The following ESRRG variants were observed in gnomAD, a reference collection of about 807,000 sequenced individuals.
ESRRG encodes the protein estrogen-related receptor gamma.
In ESRRG, 13 loss-of-function variants were observed where a neutral mutation model predicts 44.0. The ratio of observed to expected loss-of-function variants is 0.30; its 90% CI spans 0.19 to 0.47. The LOEUF (loss-of-function observed/expected upper bound fraction) is 0.47, where lower values mean the gene tolerates loss of function less well. Among genes scored for constraint, ESRRG ranks in the 20% least tolerant of loss-of-function variants. ESRRG has a pLI of 1.00. For synonymous variants in ESRRG, 215 were observed against 214.6 expected, an observed-to-expected ratio of 1.00 and a Z score of -0.02; for missense variants, 395 against 580.6, an observed-to-expected ratio of 0.68 and a Z score of 3.29.
intron 1 of ESRRG, among the ~76,000 whole-genome samples, chr1:217,096,433 A>G (rs1188408219): frequency 6.6e-6 from 1 of 152,248 alleles, no homozygotes. Flanking sequence ...AACTTAGAAC[A>G]GTTGAGTGTG....
chr1:217,120,565 G>T (rs1344540045), intron 1 of ESRRG, among the ~76,000 whole-genome samples: 1 of 151,568 alleles, frequency 6.6e-6, no homozygotes, highest in African/African-American at 2.4e-5. Flanking sequence ...GACTTATGAC[G>T]TTCTTCAGCG....
chr1:216,665,834 C>G (rs1259751020), intron 2 of ESRRG, among the ~76,000 whole-genome samples: 2 of 152,130 alleles, frequency 1.3e-5, no homozygotes, highest in Admixed American at 6.5e-5. Flanking sequence ...TTGTATAAAT[C>G]AGCTCCAATG....
At chr1:216,936,892 C>T (rs1457403620) in intron 2 of ESRRG, among the ~76,000 whole-genome samples, 1 of 152,050 alleles carries the variant, frequency 6.6e-6, no homozygotes, top group African/African-American at 2.4e-5. Context: ...GGAGAAATTT[C>T]AGATTGTTAT....
chr1:216,648,063 T>C (rs988381626), intron 3 of ESRRG, among the ~76,000 whole-genome samples: 3 of 152,170 alleles, frequency 2.0e-5, no homozygotes, highest in Non-Finnish European at 4.4e-5. Flanking sequence ...TACATTTGAA[T>C]AGATTTACTA....
chr1:216,815,009 C>G (rs765354289), intron 2 of ESRRG, among the ~76,000 whole-genome samples: 8 of 152,182 alleles, frequency 5.3e-5, no homozygotes, highest in Non-Finnish European at 1.2e-4. Context: ...AAATCCTCCC[C>G]TCACTTTAAT....
chr1:216,674,891 G>T (rs950939934), intron 2 of ESRRG, among the ~76,000 whole-genome samples: 1 of 151,882 alleles, frequency 6.6e-6, no homozygotes, highest in Non-Finnish European at 1.5e-5. Flanking sequence ...GGGATTACAG[G>T]CATGAGCCAC....
intron 1 of ESRRG, among the ~76,000 whole-genome samples, chr1:217,133,891 C>T (rs2093010775): frequency 6.6e-6 from 1 of 152,022 alleles, no homozygotes; most frequent in Admixed American, 6.6e-5. Flanking sequence ...GCACCTCCAG[C>T]ACCTGAATTC....
intron 2 of ESRRG, among the ~76,000 whole-genome samples, chr1:216,885,156 AAGAG>A (rs762488871): frequency 2.0e-5 from 3 of 150,194 alleles, no homozygotes; most frequent in Non-Finnish European, 4.4e-5. Flanking sequence ...ACATGACAGA[AAGAG>A]AGAGATGTTT....
At chr1:217,072,857 TC>T (rs1400128652) in intron 1 of ESRRG, among the ~76,000 whole-genome samples, 2 of 152,180 alleles carry the variant, frequency 1.3e-5, no homozygotes, top group Admixed American at 1.3e-4. Context: ...AACTTATTTA[TC>T]TATTAAAATG....
chr1:216,834,305 G>A (rs185711576), intron 2 of ESRRG, among the ~76,000 whole-genome samples: 26 of 152,228 alleles, frequency 1.7e-4, no homozygotes, highest in Admixed American at 8.5e-4. Context: ...GCAGGTTGAG[G>A]CGGGAAGATC....
intron 1 of ESRRG, among the ~76,000 whole-genome samples, chr1:217,106,595 G>A (rs2092600061): frequency 6.6e-6 from 1 of 152,112 alleles, no homozygotes; most frequent in South Asian, 2.1e-4. Flanking sequence ...GAACCACATG[G>A]ATCAGGAGGG....
chr1:216,906,547 T>C (rs964636487), intron 2 of ESRRG, among the ~76,000 whole-genome samples: 2 of 152,086 alleles, frequency 1.3e-5, no homozygotes, highest in African/African-American at 4.8e-5. Flanking sequence ...CCTACTTCCC[T>C]CCCTACCAGC....
chr1:217,119,799 G>A (rs183433003), intron 1 of ESRRG, among the ~76,000 whole-genome samples: 125 of 152,258 alleles, frequency 8.2e-4, no homozygotes, highest in African/African-American at 2.9e-3. Flanking sequence ...TCTTAGCCAG[G>A]GATTTAAAAC....
intron 1 of ESRRG, among the ~76,000 whole-genome samples, chr1:217,135,103 G>A (rs1351061599): frequency 2.0e-5 from 3 of 152,196 alleles, no homozygotes; most frequent in Admixed American, 6.5e-5. Context: ...AAATGGCCAG[G>A]CTTCCTGGGC....
chr1:216,766,732 C>A (rs2093097843), intron 2 of ESRRG, among the ~76,000 whole-genome samples: 1 of 151,990 alleles, frequency 6.6e-6, no homozygotes, highest in Admixed American at 6.6e-5. Context: ...AGACACTGAC[C>A]TATTGCCAGC....
intron 6 of ESRRG, among the ~76,000 whole-genome samples, chr1:216,516,497 A>G (rs1401424166): frequency 6.6e-6 from 1 of 152,162 alleles, no homozygotes; most frequent in Non-Finnish European, 1.5e-5. Flanking sequence ...CTAAAATTTA[A>G]GTAAATGAGT....
chr1:216,941,362 T>G (rs1404961457), intron 1 of ESRRG, among the ~76,000 whole-genome samples: 1 of 152,184 alleles, frequency 6.6e-6, no homozygotes, highest in Non-Finnish European at 1.5e-5. Flanking sequence ...ATGGCTGCTT[T>G]CTGTGTAATA....
intron 3 of ESRRG, among the ~76,000 whole-genome samples, chr1:216,620,451 C>T (rs1229766731): frequency 2.0e-5 from 3 of 152,184 alleles, no homozygotes; most frequent in Non-Finnish European, 2.9e-5. Flanking sequence ...TTTTCATCCA[C>T]TCATTTATTC....
At chr1:216,952,838 C>T (rs1172265104) in intron 1 of ESRRG, among the ~76,000 whole-genome samples, 1 of 152,072 alleles carries the variant, frequency 6.6e-6, no homozygotes, top group Non-Finnish European at 1.5e-5. Flanking sequence ...TTACTGTCAG[C>T]TACTAGCACA....
Sources: allele counts gnomAD v4.1 joint callset (sites outside exome capture counted in the v4.1 genomes callset), GRCh38; gene constraint gnomAD v4.1.1; transcripts MANE v1.5; gene names NCBI Gene and HGNC (gene_info 2026-07-23, HGNC 2026-07-21).